TPH2: variants seen among roughly 807,000 people sequenced by gnomAD.
TPH2 encodes tryptophan 5-hydroxylase 2.
Under a neutral mutation model 59.1 loss-of-function variants are expected in TPH2, and 27 were observed. The ratio of observed to expected loss-of-function variants is 0.46; its 90% CI spans 0.34 to 0.63. TPH2 has a LOEUF of 0.63. TPH2 is among the 30% of genes least tolerant of loss of function. The probability of loss-of-function intolerance (pLI) is 0.01; values close to 1 mark genes in which losing one functional copy is unlikely to be tolerated. For synonymous variants in TPH2, 220 were observed against 210.5 expected, an observed-to-expected ratio of 1.05 and a Z score of -0.39; for missense variants, 523 against 588.3, an observed-to-expected ratio of 0.89 and a Z score of 1.15.
intron 6 of TPH2, among the ~76,000 whole-genome samples, chr12:71,978,720 T>C (rs1395081690): frequency 6.6e-6 from 1 of 152,206 alleles, no homozygotes; most frequent in East Asian, 1.9e-4. Context: ...ACCCTTCTTT[T>C]CATTTTCTTG....
chr12:71,955,407 T>A (rs1048853918), intron 5 of TPH2, among the ~76,000 whole-genome samples: 5 of 152,186 alleles, frequency 3.3e-5, no homozygotes, highest in Non-Finnish European at 7.4e-5. Flanking sequence ...ACCAAAGGCA[T>A]GGGGTTTACT....
At position 71,954,191 on chromosome 12, in the gene TPH2, A is replaced by T. The variant is rs534438670; in HGVS notation, c.608+4536A>T. Among the ~76,000 whole-genome samples the T allele has an allele frequency of 2.0e-5, 3 of 152,302 alleles. No homozygotes were observed. The South Asian group carries it at 6.2e-4, about 32-fold the overall frequency. On this transcript the variant is annotated intron_variant, in intron 5 of 10. Transcript: ENST00000333850. Reference sequence around the variant, plus strand: ...GGAGAGGGGGCGGGAAAGCGCCGGCATGCTAACTGTCGATAGATGCCACTC... The same window carrying T: ...GGAGAGGGGGCGGGAAAGCGCCGGCTTGCTAACTGTCGATAGATGCCACTC...
chr12:71,949,155 A>T (rs1049008655), intron 4 of TPH2, among the ~76,000 whole-genome samples: 9 of 152,214 alleles, frequency 5.9e-5, no homozygotes, highest in Admixed American at 5.9e-4. Context: ...TTTATAATAA[A>T]TGTCACATTT....
At chr12:72,013,178 T>C (rs10879352) in intron 8 of TPH2, among the ~76,000 whole-genome samples, 85,662 of 152,034 alleles carry the variant, frequency 0.56, 24,458 homozygotes, top group South Asian at 0.68. Context: ...TTCCTCAGAG[T>C]TTAGGTTTTT....
chr12:71,954,382 A>C (rs1871436182), intron 5 of TPH2, among the ~76,000 whole-genome samples: 1 of 152,180 alleles, frequency 6.6e-6, no homozygotes, highest in South Asian at 2.1e-4. Context: ...TCTGAGAATG[A>C]ACGCCCTGTA....
intron 4 of TPH2, among the ~76,000 whole-genome samples, chr12:71,947,922 G>T (rs1871239986): frequency 1.3e-5 from 2 of 152,140 alleles, no homozygotes; most frequent in Non-Finnish European, 2.9e-5. Context: ...GTCCAGTCTG[G>T]CAGGAACCGG....
At chr12:71,972,848 C>A in intron 6 of TPH2, 133 bp downstream of exon 6, 1 of 949,566 alleles carries the variant, frequency 1.1e-6, no homozygotes, top group Non-Finnish European at 1.6e-6. Context: ...TTTGAGCCAA[C>A]AATTACCTGC....
intron 8 of TPH2, among the ~76,000 whole-genome samples, chr12:71,996,052 G>A (rs1872685751): frequency 6.6e-6 from 1 of 152,174 alleles, no homozygotes; most frequent in South Asian, 2.1e-4. Context: ...AAATTTGAAA[G>A]CAGCTTAGCT....
chr12:72,029,236 G>A (rs1873652379), intron 9 of TPH2, among the ~76,000 whole-genome samples: 1 of 152,176 alleles, frequency 6.6e-6, no homozygotes, highest in Non-Finnish European at 1.5e-5. Context: ...GATGTCCCAA[G>A]GGAGCCATGG....
chr12:71,960,801 T>C (rs1229696063), intron 5 of TPH2, among the ~76,000 whole-genome samples: 1 of 152,202 alleles, frequency 6.6e-6, no homozygotes, highest in Admixed American at 6.5e-5. Flanking sequence ...ATGATTTTCA[T>C]GAACATGAAG....
In TPH2 at chr12:72,031,648, A is replaced by G; in HGVS notation, c.1426A>G (p.Thr476Ala). 6.2e-7 allele frequency: 1 copy of G among 1,613,630 alleles called. No homozygotes were observed. The highest frequency in any genetic ancestry group is 8.5e-7 in the Non-Finnish European group (1 of 1,179,582). ...GCAGGACCTTCGCAGCGACTTGAATACAGTGTGTGATGCTTTAAACAAAAT... is the reference window on the plus strand; with the variant it reads ...GCAGGACCTTCGCAGCGACTTGAATGCAGTGTGTGATGCTTTAAACAAAAT... ...VVQDLRSDLN[T>A]VCDALNKMNQ... is the part of the protein sequence containing the mutation. The change falls in exon 11 of 11, where the codon ACA becomes GCA. Residue 476 changes from threonine (T) to alanine (A), a missense_variant. By Grantham distance (58) the Thr-to-Ala change is moderately conservative. Coordinates refer to ENST00000333850, the MANE Select transcript of TPH2 (RefSeq NM_173353.4).
chr12:71,992,313 G>A (rs1457939279), intron 7 of TPH2, among the ~76,000 whole-genome samples: 1 of 152,182 alleles, frequency 6.6e-6, no homozygotes, highest in Non-Finnish European at 1.5e-5. Context: ...TGGGTGCAGT[G>A]GCTCATGCCT....
At chr12:71,942,396 T>A (rs1240408185) in intron 2 of TPH2, among the ~76,000 whole-genome samples, 1 of 152,166 alleles carries the variant, frequency 6.6e-6, no homozygotes, top group Non-Finnish European at 1.5e-5. Flanking sequence ...ACCTAATGGT[T>A]TCTGTACCCA....
At chr12:72,015,315 GT>G (rs869231666) in intron 8 of TPH2, among the ~76,000 whole-genome samples, 1,015 of 98,952 alleles carry the variant, frequency 0.01, 4 homozygotes, top group African/African-American at 0.032. Context: ...TTTTTTGGTT[GT>G]TTTTTTTTTT....
intron 4 of TPH2, among the ~76,000 whole-genome samples, chr12:71,948,337 A>C (rs1247873761): frequency 6.6e-6 from 1 of 152,120 alleles, no homozygotes; most frequent in Non-Finnish European, 1.5e-5. Flanking sequence ...TGGACAGAGG[A>C]TACTTCATTT....
chr12:71,941,792 T>C (rs1871077473), intron 2 of TPH2, 59 bp downstream of exon 2: 2 of 1,506,908 alleles, frequency 1.3e-6, no homozygotes, highest in African/African-American at 2.7e-5. Context: ...GGTACAAACC[T>C]GTTATCTGCT....
rs117371230 is a variant in TPH2 at position 72,017,891 on chromosome 12, G to C, written c.1069-4508G>C. ...AACCAGACTGTAGCAATCAATGTGTGGTTGCCCTCTCCTCTTGATTAGTGA... is the reference window on the plus strand; with the variant it reads ...AACCAGACTGTAGCAATCAATGTGTCGTTGCCCTCTCCTCTTGATTAGTGA... On this transcript the variant is annotated intron_variant, in intron 8 of 10. Coordinates refer to ENST00000333850, the MANE Select transcript of TPH2 (RefSeq NM_173353.4). Among the ~76,000 whole-genome samples the C allele has an allele frequency of 5.6e-3, 854 of 152,268 alleles. 9 individuals carry two copies. The highest frequency in any genetic ancestry group is 9.6e-3 in the Non-Finnish European group (655 of 68,018).
chr12:71,939,232 C>T (rs1055918931), intron 1 of TPH2, 141 bp downstream of exon 1: 2 of 716,980 alleles, frequency 2.8e-6, no homozygotes, highest in African/African-American at 3.5e-5. Flanking sequence ...CCCTGCTTTC[C>T]TCCTGTCTGC....
At chr12:72,029,469 G>C (rs543708678) in intron 9 of TPH2, among the ~76,000 whole-genome samples, 1 of 152,284 alleles carries the variant, frequency 6.6e-6, no homozygotes, top group South Asian at 2.1e-4. Flanking sequence ...AAGCCAACAG[G>C]AAGCCAATTT....
Sources: allele counts gnomAD v4.1 joint callset (sites outside exome capture counted in the v4.1 genomes callset), GRCh38; gene constraint gnomAD v4.1.1; transcripts MANE v1.5; gene names NCBI Gene and HGNC (gene_info 2026-07-23, HGNC 2026-07-21).